Variants in DSCAM observed in about 807,000 individuals in gnomAD.
DSCAM encodes the protein DS cell adhesion molecule.
Under a neutral mutation model 217.7 loss-of-function variants are expected in DSCAM, and 47 were observed. The ratio of observed to expected loss-of-function variants is 0.22; its 90% CI spans 0.17 to 0.28. The LOEUF (loss-of-function observed/expected upper bound fraction) is 0.28. Among genes scored for constraint, DSCAM ranks in the 10% least tolerant of loss-of-function variants. DSCAM has a pLI of 1.00. For synonymous variants in DSCAM, 1,056 were observed against 1,015.3 expected, an observed-to-expected ratio of 1.04 and a Z score of -0.76; for missense variants, 2,080 against 2,618.3, an observed-to-expected ratio of 0.79 and a Z score of 4.49.
chr21:40,832,228 T>C (rs2837846), intron 1 of DSCAM, among the ~76,000 whole-genome samples: 110,396 of 152,150 alleles, frequency 0.73, 40,228 homozygotes, highest in East Asian at 0.77. Context: ...AATAACAATA[T>C]TCACATCTAG....
At chr21:40,068,740 A>G (rs1453476106) in intron 27 of DSCAM, among the ~76,000 whole-genome samples, 1 of 152,200 alleles carries the variant, frequency 6.6e-6, no homozygotes. Context: ...GCCTGGACTC[A>G]TATGTGATTC....
At chr21:40,367,438 C>A (rs2074845049) in intron 4 of DSCAM, among the ~76,000 whole-genome samples, 1 of 152,244 alleles carries the variant, frequency 6.6e-6, no homozygotes, top group Non-Finnish European at 1.5e-5. Flanking sequence ...ATGTTTCCAC[C>A]ATGACCCAAA....
intron 14 of DSCAM, among the ~76,000 whole-genome samples, chr21:40,183,300 T>C (rs2090857959): frequency 6.6e-6 from 1 of 152,186 alleles, no homozygotes; most frequent in Non-Finnish European, 1.5e-5. Context: ...TGGGTCCTTG[T>C]AGGGGAGAAG....
chr21:40,559,433 G>A (rs1176624789), intron 3 of DSCAM, among the ~76,000 whole-genome samples: 2 of 150,022 alleles, frequency 1.3e-5, no homozygotes, highest in Non-Finnish European at 3.0e-5. Context: ...ACTCTGGCCC[G>A]GGCGAAAAGA....
intron 4 of DSCAM, among the ~76,000 whole-genome samples, chr21:40,363,539 C>T (rs924200431): frequency 6.6e-6 from 1 of 152,050 alleles, no homozygotes; most frequent in African/African-American, 2.4e-5. Context: ...AGGTGTGAGC[C>T]ACCACGCATA....
intron 20 of DSCAM, among the ~76,000 whole-genome samples, chr21:40,110,043 A>C (rs2898399): frequency 0.12 from 18,643 of 152,158 alleles, 1,233 homozygotes; most frequent in Non-Finnish European, 0.16. Flanking sequence ...CTTAAATGTC[A>C]CTGTCTGACA....
intron 3 of DSCAM, among the ~76,000 whole-genome samples, chr21:40,652,788 G>A (rs114298554): frequency 0.023 from 3,497 of 152,294 alleles, 134 homozygotes; most frequent in African/African-American, 0.08. Context: ...CTGAGGCTTG[G>A]GGCCAGGCAA....
intron 3 of DSCAM, among the ~76,000 whole-genome samples, chr21:40,577,563 A>T (rs1023714721): frequency 1.3e-5 from 2 of 152,096 alleles, no homozygotes; most frequent in African/African-American, 4.8e-5. Flanking sequence ...TATCCAGGCA[A>T]GTCAGAGAAA....
chr21:40,732,601 C>G (rs1601186603), intron 1 of DSCAM, among the ~76,000 whole-genome samples: 1 of 152,182 alleles, frequency 6.6e-6, no homozygotes, highest in Non-Finnish European at 1.5e-5. Flanking sequence ...ATAGCTCATA[C>G]AATTATTGAG....
At chr21:40,434,469 C>G (rs539233227) in intron 3 of DSCAM, among the ~76,000 whole-genome samples, 1 of 152,296 alleles carries the variant, frequency 6.6e-6, no homozygotes, top group Non-Finnish European at 1.5e-5. Context: ...TATCTGGACG[C>G]TGGCAAGACC....
intron 3 of DSCAM, among the ~76,000 whole-genome samples, chr21:40,677,728 T>G (rs1295399825): frequency 6.6e-6 from 1 of 152,144 alleles, no homozygotes; most frequent in Non-Finnish European, 1.5e-5. Context: ...GGAGCCCTCA[T>G]GAATGAGGTT....
At position 40,805,545 on chromosome 21, in the gene DSCAM, C is replaced by A. The variant is rs73903023; in HGVS notation, c.43+41074G>T. ...CATTGGTCAACCAAAGTTTCCTTCC[C>A]CTTCCAGGTTCTGGGAATTACGCCA... is the stretch of plus-strand genomic sequence containing the variant. On this transcript the variant is annotated intron_variant, in intron 1 of 32. Transcript: ENST00000400454. Among the ~76,000 whole-genome samples the A allele has an allele frequency of 7.2e-3, 1,099 of 152,238 alleles. 15 individuals carry two copies. Among genetic ancestry groups the A allele is most frequent in the African/African-American group, 0.025 (1,058 of 41,530 alleles).
chr21:40,311,960 T>TTTTTTTTTAAAAAAA, intron 9 of DSCAM, 121 bp downstream of exon 9: 1 of 321,030 alleles, frequency 3.1e-6, no homozygotes, highest in Non-Finnish European at 4.8e-6. Flanking sequence ...TTTTTTTTTT[T>TTTTTTTTTAAAAAAA]AGTGAGATAA....
intron 3 of DSCAM, among the ~76,000 whole-genome samples, chr21:40,397,294 C>G (rs1291004681): frequency 1.1e-5 from 1 of 89,516 alleles, no homozygotes; most frequent in Non-Finnish European, 2.7e-5. Flanking sequence ...GGGTCACTCC[C>G]TCATGAAGGG....
intron 1 of DSCAM, among the ~76,000 whole-genome samples, chr21:40,779,446 T>C (rs1456460884): frequency 3.3e-5 from 5 of 152,202 alleles, no homozygotes; most frequent in African/African-American, 1.2e-4. Context: ...CCTTCAATGC[T>C]GTTACACATT....
At chr21:40,236,721 T>C (rs1038060612) in intron 11 of DSCAM, among the ~76,000 whole-genome samples, 1 of 152,118 alleles carries the variant, frequency 6.6e-6, no homozygotes, top group Non-Finnish European at 1.5e-5. Flanking sequence ...GGAATAATTA[T>C]TAAATGAGTT....
chr21:40,124,021 CAAATGAGGTGT>C (rs2090066296), intron 20 of DSCAM, among the ~76,000 whole-genome samples, 163 bp downstream of exon 20: 2 of 152,058 alleles, frequency 1.3e-5, no homozygotes, highest in Admixed American at 1.3e-4. Context: ...AGCGTATTTT[CAAATGAGGTGT>C]AAATGAGGAC....
At chr21:40,383,882 A>G (rs1012136869) in intron 3 of DSCAM, 44 of 152,350 alleles carry the variant, frequency 2.9e-4, no homozygotes, top group African/African-American at 9.9e-4. Context: ...ATGATTGCAG[A>G]TATCATAAAG....
At chr21:40,807,519 G>C (rs544048062) in intron 1 of DSCAM, among the ~76,000 whole-genome samples, 140 of 152,342 alleles carry the variant, frequency 9.2e-4, no homozygotes, top group Non-Finnish European at 1.8e-3. Flanking sequence ...CTCTTGGAAA[G>C]CTTCTATGCA....
Sources: allele counts gnomAD v4.1 joint callset (sites outside exome capture counted in the v4.1 genomes callset), GRCh38; gene constraint gnomAD v4.1.1; transcripts MANE v1.5; gene names NCBI Gene and HGNC (gene_info 2026-07-23, HGNC 2026-07-21).